Variants in NSD1 observed in about 807,000 individuals in gnomAD.
The protein encoded by NSD1 is nuclear receptor binding SET domain protein 1, also known as histone-lysine N-methyltransferase, H3 lysine-36 specific.
Under a neutral mutation model 242.7 loss-of-function variants are expected in NSD1, and 26 were observed. The observed-to-expected ratio is 0.11, with a 90% CI of 0.08 to 0.15. The LOEUF is 0.15. Among genes scored for constraint, NSD1 ranks in the 10% least tolerant of loss-of-function variants. The pLI, the probability that NSD1 is intolerant of heterozygous loss-of-function variation, is 1.00. For missense variants in NSD1, 2,495 were observed against 3,272.8 expected (o/e 0.76, Z 5.80); for synonymous variants, 1,106 against 1,178.1 (o/e 0.94, Z 1.25).
rs78247455 is a variant in NSD1 at position 177,295,004 on chromosome 5, G to A, written c.7636G>A (p.Ala2546Thr). Residue 2546 changes from alanine to threonine, a missense_variant, in exon 23 of 23, where the codon GCC (alanine) becomes ACC (threonine). Physicochemically the swap from Ala to Thr is moderately conservative, Grantham distance 58. Around this residue, in one of 19 missense-constraint regions of NSD1, gnomAD observed 475 missense variants for 563.7 expected, o/e 0.84. Coordinates refer to ENST00000439151, the MANE Select transcript of NSD1 (RefSeq NM_022455.5). The surrounding 1 kb of genome is among the most constrained non-coding windows in gnomAD (Gnocchi z 4.3). ...ARLLSQPPAKAFLYEPTTQAS... is the reference protein window; with the variant it reads ...ARLLSQPPAKTFLYEPTTQAS... ...ACTTCTTTCTCAGCCTCCTGCCAAG[G>A]CCTTTTTATATGAGCCAACAACTCA... The A allele has an allele frequency of 0.025, 40,893 of 1,614,198 alleles. 674 individuals carry two copies. The highest frequency in any genetic ancestry group is 0.054 in the South Asian group (4,891 of 91,086).
intron 13 of NSD1, among the ~76,000 whole-genome samples, chr5:177,258,152 G>C (rs953617540): frequency 4.0e-5 from 6 of 151,032 alleles, no homozygotes; most frequent in Admixed American, 3.3e-4. Context: ...CGCTAATTTT[G>C]TATTTTTAGT....
At chr5:177,183,509 T>C (rs149965006) in intron 2 of NSD1, among the ~76,000 whole-genome samples, 1 of 152,320 alleles carries the variant, frequency 6.6e-6, no homozygotes, top group African/African-American at 2.4e-5. Context: ...TCAATGTTTG[T>C]GTATATATAT....
intron 5 of NSD1, among the ~76,000 whole-genome samples, chr5:177,226,782 G>A (rs1311426540): frequency 6.6e-6 from 1 of 151,872 alleles, no homozygotes; most frequent in Non-Finnish European, 1.5e-5. Flanking sequence ...CCTTTTCCAA[G>A]TCTGTATTCC....
Position 177,207,593 on chromosome 5 carries a change from ATTTT to A in NSD1, c.1237-2017_1237-2014del, listed in dbSNP as rs150492535. Among the ~76,000 whole-genome samples, 33 of 78,218 alleles carry A rather than the reference ATTTT, an allele frequency of 4.2e-4. 1 individual carries two copies. The highest frequency in any genetic ancestry group is 2.3e-3 in the African/African-American group (32 of 14,180). 51.3% of individuals were successfully genotyped at this position (78,218 alleles called of 152,430 possible). ...CACCGTGCCTGGCCTATTTATTTAAATTTTTTTTTTTTTTTTTTTTTTTTTTTTT... is the reference window on the plus strand; with the variant it reads ...CACCGTGCCTGGCCTATTTATTTAAATTTTTTTTTTTTTTTTTTTTTTTTT... On this transcript the variant is annotated intron_variant, in intron 4 of 22. Coordinates refer to ENST00000439151, the MANE Select transcript of NSD1 (RefSeq NM_022455.5).
chr5:177,265,046 A>T (rs573179216), intron 14 of NSD1: 2 of 761,372 alleles, frequency 2.6e-6, no homozygotes, highest in Non-Finnish European at 4.8e-6. Context: ...TATTGAGCAC[A>T]TTAAGCACTC....
chr5:177,260,286 A>C, intron 14 of NSD1, 118 bp downstream of exon 14: 1 of 871,774 alleles, frequency 1.1e-6, no homozygotes, highest in Middle Eastern at 3.5e-4. Context: ...AAATGATACT[A>C]TTCATCTGCC....
At chr5:177,257,291 C>T (rs1409898831) in intron 13 of NSD1, 140 bp downstream of exon 13, 10 of 735,124 alleles carry the variant, frequency 1.4e-5, no homozygotes, top group Admixed American at 2.7e-5. Context: ...AGTGCAGTGG[C>T]GTGATCTTGG....
At chr5:177,132,010 C>T (rs1298892739), upstream of NSD1, among the ~76,000 whole-genome samples, 1 of 152,206 alleles carries the variant, frequency 6.6e-6, no homozygotes, top group Non-Finnish European at 1.5e-5. This position sits in a 1 kb window ranked among gnomAD's most constrained non-coding sequence, Gnocchi z 7.5. Context: ...GGGCTGGAGT[C>T]GCAAGTTCAG....
intron 5 of NSD1, among the ~76,000 whole-genome samples, chr5:177,220,563 CTTTTT>C (rs869220346): frequency 1.2e-4 from 10 of 84,356 alleles, no homozygotes; most frequent in African/African-American, 4.2e-4. Flanking sequence ...ATAGTAATTG[CTTTTT>C]TTTTTTTTTT....
chr5:177,186,389 G>A (rs1041937317), intron 2 of NSD1, among the ~76,000 whole-genome samples: 8 of 151,880 alleles, frequency 5.3e-5, no homozygotes, highest in African/African-American at 1.9e-4. Context: ...GATAGCCAAT[G>A]ACTATATTCA....
In NSD1 at chr5:177,158,290, TTTCTTTCTTTC is replaced by T. The variant is rs1389515417; in HGVS notation, c.927+22263_927+22273del. ...CTTTCTTTCTTTCTTTCTTTCTTTC[TTTCTTTCTTTC>T]TTTTCTTTCTTTTCTTTCTTTTCTT... On this transcript the variant is annotated intron_variant, in intron 2 of 22. Transcript: ENST00000439151. Among the ~76,000 whole-genome samples, 205 of 80,798 alleles carry T rather than the reference TTTCTTTCTTTC, an allele frequency of 2.5e-3. 1 individual carries two copies. The highest frequency in any genetic ancestry group is 0.012 in the African/African-American group (195 of 16,938). 53.0% of individuals were successfully genotyped at this position (80,798 alleles called of 152,430 possible).
intron 2 of NSD1, among the ~76,000 whole-genome samples, chr5:177,145,104 T>G (rs1452696749): frequency 6.8e-6 from 1 of 147,808 alleles, no homozygotes; most frequent in East Asian, 2.0e-4. Flanking sequence ...AAAAAAAAAG[T>G]CAAACTTAAA....
chr5:177,245,978 T>A (rs4976641), intron 9 of NSD1, among the ~76,000 whole-genome samples: 121,584 of 149,958 alleles, frequency 0.81, 49,673 homozygotes, highest in Middle Eastern at 0.86. Context: ...TTATTTATTT[T>A]TTTTTTTTTG....
chr5:177,203,361 A>T (rs541082632), intron 3 of NSD1, among the ~76,000 whole-genome samples: 1 of 152,178 alleles, frequency 6.6e-6, no homozygotes, highest in South Asian at 2.1e-4. Context: ...TATGTATAGA[A>T]CTTTAGATAA....
chr5:177,246,584 A>G, intron 9 of NSD1, 94 bp from the exon 10 acceptor site: 1 of 832,370 alleles, frequency 1.2e-6, no homozygotes, highest in Non-Finnish European at 2.1e-6. Flanking sequence ...GAATTAAATG[A>G]GTTTTAAGGT....
chr5:177,212,899 G>A (rs1047235964), intron 5 of NSD1, among the ~76,000 whole-genome samples: 8 of 152,088 alleles, frequency 5.3e-5, no homozygotes, highest in Admixed American at 5.2e-4. Flanking sequence ...AAAAGTGCTG[G>A]GATACAGGCG....
intron 8 of NSD1, among the ~76,000 whole-genome samples, chr5:177,241,102 T>G (rs1765822394): frequency 6.6e-6 from 1 of 152,198 alleles, no homozygotes. Context: ...TTTTTGGTTC[T>G]GGTTTCACAT....
At chr5:177,213,797 G>C (rs1763551520) in intron 5 of NSD1, among the ~76,000 whole-genome samples, 1 of 152,140 alleles carries the variant, frequency 6.6e-6, no homozygotes, top group South Asian at 2.1e-4. Flanking sequence ...CCAATCTGTA[G>C]ATTTGTCTAT....
At chr5:177,267,490 T>C (rs183665066) in intron 14 of NSD1, 72 bp from the exon 15 acceptor site, 2 of 1,207,820 alleles carry the variant, frequency 1.7e-6, no homozygotes, top group East Asian at 2.3e-5. Flanking sequence ...TATATATATA[T>C]ATGTGTATGG....
Sources: allele counts gnomAD v4.1 joint callset (sites outside exome capture counted in the v4.1 genomes callset), GRCh38; gene constraint gnomAD v4.1.1; regional missense constraint gnomAD v4.1.1; non-coding constraint Gnocchi (gnomAD v3.1); transcripts MANE v1.5; gene names NCBI Gene and HGNC (gene_info 2026-07-23, HGNC 2026-07-21).